Variants in ANO3 observed in about 807,000 individuals in gnomAD.
ANO3 encodes the protein anoctamin-3.
A neutral mutation model predicts 144.8 loss-of-function variants in ANO3; 99 were observed. That is an observed-to-expected ratio of 0.68 (90% CI 0.58 to 0.81). The LOEUF (loss-of-function observed/expected upper bound fraction) is 0.81. Among genes scored for constraint, ANO3 ranks in the 30% least tolerant of loss-of-function variants. The pLI is 0.00. For missense variants in ANO3, 905 were observed against 1,202.2 expected (o/e 0.75, Z 3.66); for synonymous variants, 414 against 392.6 (o/e 1.05, Z -0.64).
chr11:26,385,875 G>GT (rs1399172732), intron 1 of ANO3, among the ~76,000 whole-genome samples: 9 of 145,438 alleles, frequency 6.2e-5, no homozygotes, highest in Admixed American at 3.4e-4. Flanking sequence ...ATAGATTTGT[G>GT]TGAAGTTCTT....
chr11:26,462,575 A>G (rs1859446574), intron 3 of ANO3, among the ~76,000 whole-genome samples: 2 of 151,774 alleles, frequency 1.3e-5, no homozygotes, highest in Non-Finnish European at 2.9e-5. Flanking sequence ...ATTTTCTACT[A>G]TTTCTCAGAC....
At chr11:26,442,881 C>T (rs201053613) in intron 2 of ANO3, among the ~76,000 whole-genome samples, 10 of 152,086 alleles carry the variant, frequency 6.6e-5, no homozygotes, top group African/African-American at 2.4e-4. Context: ...ATTCTCTTGC[C>T]TCAGCCTCCT....
chr11:26,298,814 G>A (rs1854151568), intron 1 of ANO3, among the ~76,000 whole-genome samples: 1 of 152,126 alleles, frequency 6.6e-6, no homozygotes, highest in South Asian at 2.1e-4. Flanking sequence ...TGAGTGTTGT[G>A]AGATAGAAGA....
intron 1 of ANO3, among the ~76,000 whole-genome samples, chr11:26,356,933 G>A (rs1364972292): frequency 3.3e-5 from 5 of 152,088 alleles, no homozygotes; most frequent in African/African-American, 1.2e-4. Flanking sequence ...CAGCTTATAA[G>A]GACATTGGAA....
chr11:26,602,100 G>A (rs1479824480), intron 17 of ANO3, among the ~76,000 whole-genome samples: 2 of 152,122 alleles, frequency 1.3e-5, no homozygotes, highest in Non-Finnish European at 2.9e-5. Context: ...AGAAGAGAGG[G>A]TGCTTATTCT....
chr11:26,573,860 G>A (rs1007235857), intron 14 of ANO3, among the ~76,000 whole-genome samples: 1 of 152,096 alleles, frequency 6.6e-6, no homozygotes, highest in Non-Finnish European at 1.5e-5. Flanking sequence ...TAAACTGTAC[G>A]TAAATTTAAT....
intron 1 of ANO3, among the ~76,000 whole-genome samples, chr11:26,203,074 T>C (rs375288741): frequency 1.3e-5 from 2 of 152,068 alleles, no homozygotes; most frequent in East Asian, 3.9e-4. Flanking sequence ...TTTATTCCTC[T>C]AGTGAAGACA....
At chr11:26,608,837 C>A (rs1170573117) in intron 17 of ANO3, among the ~76,000 whole-genome samples, 1 of 152,182 alleles carries the variant, frequency 6.6e-6, no homozygotes, top group African/African-American at 2.4e-5. Context: ...TATAGAGATA[C>A]CTGCCATCTT....
chr11:26,385,367 T>C (rs190575897), intron 1 of ANO3, among the ~76,000 whole-genome samples: 10 of 152,304 alleles, frequency 6.6e-5, no homozygotes, highest in African/African-American at 2.4e-4. Flanking sequence ...TCAATTAAAA[T>C]GATATAAATT....
rs958966775 is a variant in ANO3, at chr11:26,661,391, G to A, written c.*947G>A. 2 of 152,462 alleles carry A rather than the reference G, an allele frequency of 1.3e-5. No individual in the cohort carries two copies. Among genetic ancestry groups the A allele is most frequent in the African/African-American group, 2.4e-5 (1 of 41,404 alleles). 9.4% of individuals were successfully genotyped at this position (152,462 alleles called of 1,614,324 possible). A position where few individuals can be genotyped will look rare whatever the true frequency, so the allele number is the denominator to read the frequency against. ...TTGTCCCTTTGCACCTTGACAGTACGTAGTATACATTGTGGTTTATGCAGC... is the reference window on the plus strand; with the variant it reads ...TTGTCCCTTTGCACCTTGACAGTACATAGTATACATTGTGGTTTATGCAGC... On this transcript the variant is annotated 3_prime_UTR_variant, in exon 27 of 27. Transcript: ENST00000256737.
intron 1 of ANO3, among the ~76,000 whole-genome samples, chr11:26,299,223 C>T (rs1442632751): frequency 2.0e-5 from 3 of 152,130 alleles, no homozygotes; most frequent in Non-Finnish European, 2.9e-5. Context: ...AATCAAGACA[C>T]TGTGGTATTC....
At chr11:26,482,292 G>A (rs1860250384) in intron 4 of ANO3, among the ~76,000 whole-genome samples, 2 of 151,912 alleles carry the variant, frequency 1.3e-5, no homozygotes, top group Non-Finnish European at 2.9e-5. Context: ...ATGTATACAT[G>A]TGCCATGTTG....
At chr11:26,267,210 A>C (rs1853335672) in intron 1 of ANO3, among the ~76,000 whole-genome samples, 1 of 151,934 alleles carries the variant, frequency 6.6e-6, no homozygotes, top group Non-Finnish European at 1.5e-5. Context: ...ACACCCCCAA[A>C]ATGTCCTCAA....
intron 14 of ANO3, among the ~76,000 whole-genome samples, chr11:26,566,329 C>A (rs1474117686): frequency 1.3e-5 from 2 of 151,886 alleles, no homozygotes; most frequent in Admixed American, 6.6e-5. Flanking sequence ...AAAACGCATT[C>A]TTTATAAAGA....
chr11:26,317,526 A>G (rs529800686), intron 1 of ANO3, among the ~76,000 whole-genome samples: 69 of 152,342 alleles, frequency 4.5e-4, no homozygotes, highest in Non-Finnish European at 8.4e-4. Flanking sequence ...ATCACTGGTC[A>G]TTACAGAAAC....
chr11:26,198,846 CT>C (rs1196078575), intron 1 of ANO3, among the ~76,000 whole-genome samples: 1 of 152,172 alleles, frequency 6.6e-6, no homozygotes, highest in African/African-American at 2.4e-5. Flanking sequence ...CAGTACGTTT[CT>C]TAATGTTTAT....
intron 1 of ANO3, among the ~76,000 whole-genome samples, chr11:26,269,223 C>T (rs1853383963): frequency 1.3e-5 from 2 of 152,208 alleles, no homozygotes; most frequent in Non-Finnish European, 2.9e-5. Context: ...ATTTCCAGAA[C>T]AGGCAGCTCT....
chr11:26,589,544 C>A (rs2132886952), intron 14 of ANO3, among the ~76,000 whole-genome samples: 1 of 152,026 alleles, frequency 6.6e-6, no homozygotes, highest in South Asian at 2.1e-4. Context: ...AATGTTTGAC[C>A]ATTTTCATTA....
At chr11:26,450,971 G>T (rs1359581433) in intron 3 of ANO3, among the ~76,000 whole-genome samples, 1 of 152,186 alleles carries the variant, frequency 6.6e-6, no homozygotes, top group East Asian at 1.9e-4. Flanking sequence ...ATATTGGTCA[G>T]TTCCTTTAAG....
Sources: gnomAD v4.1 joint callset for allele counts (sites outside exome capture counted in the v4.1 genomes callset) on GRCh38, gnomAD v4.1.1 for gene constraint, MANE v1.5 for transcripts, NCBI Gene and HGNC (gene_info 2026-07-23, HGNC 2026-07-21) for gene names.